SEM1: variants seen among roughly 807,000 people sequenced by gnomAD.
SEM1 encodes 26S proteasome complex subunit SEM1.
SEM1 carries 3 observed loss-of-function variants against 12.7 expected under a neutral mutation model. That is an observed-to-expected ratio of 0.24 (90% CI 0.11 to 0.61). SEM1 has a LOEUF of 0.61. SEM1 is among the 20% of genes least tolerant of loss of function. The pLI is 0.88. For synonymous variants in SEM1, 30 were observed against 27.8 expected (o/e 1.08, Z -0.25); for missense variants, 59 against 81.3 (o/e 0.73, Z 1.06).
chr7:96,518,125 G>A (rs529486359), intron 2 of SEM1, among the ~76,000 whole-genome samples: 23 of 152,236 alleles, frequency 1.5e-4, no homozygotes, highest in Admixed American at 1.2e-3. Context: ...CACAGTTTAC[G>A]TAATCTGCAT....
intron 2 of SEM1, among the ~76,000 whole-genome samples, chr7:96,578,135 A>C (rs149611259): frequency 6.6e-6 from 1 of 152,248 alleles, no homozygotes; most frequent in East Asian, 1.9e-4. Context: ...CATGGAGGCT[A>C]AGTCTAACAA....
rs143390950 is a variant in SEM1, at chr7:96,588,761, G to A, written c.171-82063C>T. 7.2e-4 allele frequency among the ~76,000 whole-genome samples: 109 copies of A among 152,160 alleles called. 2 individuals are homozygous for A. The East Asian group carries it at 0.021, about 29-fold the overall frequency. ...AGCTTGGGTGACAGAGCAAGACCCT[G>A]TCTCAAAAAGTAATAGTAAAGAAAG... is the stretch of plus-strand genomic sequence containing the variant. On this transcript the variant is annotated intron_variant and NMD_transcript_variant, in intron 2 of 3. Coordinates refer to the SEM1 transcript ENST00000466986.
downstream of SEM1, among the ~76,000 whole-genome samples, chr7:96,669,679 G>C (rs1467702830): frequency 6.6e-6 from 1 of 152,126 alleles, no homozygotes; most frequent in Non-Finnish European, 1.5e-5. Flanking sequence ...GGCCTGACTT[G>C]TGAATGAGAA....
chr7:96,526,540 C>T (rs10272474), intron 2 of SEM1, among the ~76,000 whole-genome samples: 2,161 of 152,258 alleles, frequency 0.014, 27 homozygotes, highest in Non-Finnish European at 0.022. Context: ...CTTCCTTTGA[C>T]TCAGACCAGG....
intron 2 of SEM1, among the ~76,000 whole-genome samples, chr7:96,633,658 A>G (rs1350370231): frequency 6.6e-6 from 1 of 152,144 alleles, no homozygotes; most frequent in African/African-American, 2.4e-5. Context: ...CATTCTTAAT[A>G]TAGTAATCTA....
intron 2 of SEM1, among the ~76,000 whole-genome samples, chr7:96,560,768 C>A (rs1210230982): frequency 2.0e-5 from 3 of 151,558 alleles, no homozygotes; most frequent in Admixed American, 6.6e-5. Flanking sequence ...AAATTGTTAA[C>A]CCCTATGGCA....
At chr7:96,491,657 C>T (rs570621897) in intron 1 of SEM1, among the ~76,000 whole-genome samples, 1 of 152,236 alleles carries the variant, frequency 6.6e-6, no homozygotes, top group East Asian at 1.9e-4. Context: ...TTAGACTTTG[C>T]GTAAAGAAAG....
At chr7:96,561,168 C>T (rs988585760) in intron 2 of SEM1, among the ~76,000 whole-genome samples, 1 of 152,122 alleles carries the variant, frequency 6.6e-6, no homozygotes, top group African/African-American at 2.4e-5. Flanking sequence ...AAAATTAGAA[C>T]TTTCATAGCT....
downstream of SEM1, among the ~76,000 whole-genome samples, chr7:96,670,814 G>C (rs1038620455): frequency 6.6e-6 from 1 of 152,176 alleles, no homozygotes; most frequent in Non-Finnish European, 1.5e-5. Context: ...AGCATGCAAT[G>C]TGCCTGATAT....
intron 2 of SEM1, among the ~76,000 whole-genome samples, chr7:96,611,939 T>C (rs1378689152): frequency 6.6e-6 from 1 of 152,144 alleles, no homozygotes; most frequent in Non-Finnish European, 1.5e-5. Flanking sequence ...TTTCCAAACA[T>C]ATTTTTATGC....
At chr7:96,656,008 AACAG>A (rs1314331982) in intron 2 of SEM1, among the ~76,000 whole-genome samples, 1 of 152,196 alleles carries the variant, frequency 6.6e-6, no homozygotes, top group Non-Finnish European at 1.5e-5. Context: ...CACAGGATCT[AACAG>A]AATCATCCAG....
chr7:96,488,418 A>G (rs1429013090), intron 1 of SEM1, among the ~76,000 whole-genome samples: 1 of 152,174 alleles, frequency 6.6e-6, no homozygotes, highest in Non-Finnish European at 1.5e-5. Flanking sequence ...TTATAAGAAA[A>G]ATTAGTACTT....
At chr7:96,677,571 T>C (rs566737709) in intron 2 of SEM1, among the ~76,000 whole-genome samples, 2 of 152,292 alleles carry the variant, frequency 1.3e-5, no homozygotes, top group South Asian at 4.2e-4. Context: ...GAGAGAGTTA[T>C]TAGAATCCAT....
chr7:96,572,073 G>A (rs1238799701), intron 2 of SEM1, among the ~76,000 whole-genome samples: 1 of 152,152 alleles, frequency 6.6e-6, no homozygotes, highest in East Asian at 1.9e-4. Flanking sequence ...TACTTGCATA[G>A]AGGTGTTTAT....
intron 2 of SEM1, among the ~76,000 whole-genome samples, chr7:96,557,211 C>T (rs1173370567): frequency 6.6e-6 from 1 of 151,460 alleles, no homozygotes; most frequent in Non-Finnish European, 1.5e-5. Flanking sequence ...ATTCTCTATC[C>T]AGCTTTGTTC....
intron 2 of SEM1, among the ~76,000 whole-genome samples, chr7:96,595,108 T>C (rs1806953533): frequency 6.6e-6 from 1 of 152,210 alleles, no homozygotes; most frequent in Non-Finnish European, 1.5e-5. Flanking sequence ...TTTTAGAATT[T>C]ACATGAAGCT....
intron 2 of SEM1, among the ~76,000 whole-genome samples, chr7:96,552,545 A>C (rs964902202): frequency 2.0e-5 from 3 of 148,496 alleles, no homozygotes; most frequent in South Asian, 2.2e-4. Flanking sequence ...GCTGCATAGT[A>C]TTCCATGGTG....
intron 2 of SEM1, among the ~76,000 whole-genome samples, chr7:96,648,823 A>G (rs909913761): frequency 1.3e-5 from 2 of 152,230 alleles, no homozygotes; most frequent in African/African-American, 4.8e-5. Context: ...ACTGCAGTGC[A>G]GCCCTGACAA....
intron 3 of SEM1, chr7:96,503,407 A>G (rs1803638324): frequency 6.6e-6 from 1 of 152,150 alleles, no homozygotes; most frequent in East Asian, 1.9e-4. Context: ...AGTCACCACT[A>G]CAACTTTTTT....
Sources: gnomAD v4.1 joint callset for allele counts (sites outside exome capture counted in the v4.1 genomes callset) on GRCh38, gnomAD v4.1.1 for gene constraint, MANE v1.5 for transcripts, NCBI Gene and HGNC (gene_info 2026-07-23, HGNC 2026-07-21) for gene names.